ANKRD30B: variants seen among roughly 807,000 people sequenced by gnomAD.
The protein encoded by ANKRD30B is ankyrin repeat domain 30B, also known as ankyrin repeat domain-containing protein 30B.
A neutral mutation model predicts 202.2 loss-of-function variants in ANKRD30B; 144 were observed. That is an observed-to-expected ratio of 0.71 (90% confidence interval 0.62 to 0.82). The LOEUF (loss-of-function observed/expected upper bound fraction) is 0.82, where lower values mean the gene tolerates loss of function less well. Ranked by LOEUF, ANKRD30B falls within the 40% of genes least tolerant of loss-of-function variation. ANKRD30B has a pLI of 0.00. For missense variants in ANKRD30B, 1,487 were observed against 1,669.1 expected (o/e 0.89, Z 1.90); for synonymous variants, 508 against 561.3 (o/e 0.91, Z 1.34).
rs548886598 is a variant in ANKRD30B, at chr18:14,808,682, G to T, written c.2324G>T (p.Gly775Val). 6.1e-5 allele frequency: 94 copies of T among 1,533,208 alleles called. 2 individuals are homozygous for T. The highest frequency in any genetic ancestry group is 4.0e-4 in the Admixed American group (20 of 50,366). The allele number at this position is 1,533,208 out of a possible 1,614,324, so 95.0% of individuals were successfully genotyped here. A position where few individuals can be genotyped will look rare whatever the true frequency, so the allele number is the denominator to read the frequency against. Residue 775 changes from glycine (G) to valine (V), a missense_variant, in exon 26 of 44, where the codon GGA becomes GTA. Gly to Val is a moderately radical substitution (Grantham distance 109, BLOSUM62 -3). Around this residue, in one of 6 missense-constraint regions of ANKRD30B, gnomAD observed 218 missense variants for 320.1 expected, o/e 0.68. Transcript: ENST00000690538. ...TCCAAACCCATTTAGCCTACCTGTG[G>T]AAGGAAAGTTTCTCTTCCAAATAAA... The part of the protein sequence containing the change: ...DKDGLLKPTC[G>V]RKVSLPNKAL...
chr18:14,894,357 A>G, the ANKRD30B span, among the ~76,000 whole-genome samples: 3 of 152,134 alleles, frequency 2.0e-5, no homozygotes, highest in Non-Finnish European at 4.4e-5. Flanking sequence ...TAGCTTTGTG[A>G]TTTTAAAGTG....
chr18:14,895,596 G>A, the ANKRD30B span, among the ~76,000 whole-genome samples: 38 of 152,226 alleles, frequency 2.5e-4, 1 homozygote, highest in South Asian at 5.6e-3. Flanking sequence ...AGCTTTATTC[G>A]TATCATCAAA....
the ANKRD30B span, among the ~76,000 whole-genome samples, chr18:14,891,279 C>A: frequency 4.0e-5 from 6 of 150,256 alleles, no homozygotes; most frequent in South Asian, 1.3e-3. Context: ...ATTTTTGCTA[C>A]CTGGATAATA....
the ANKRD30B span, among the ~76,000 whole-genome samples, chr18:14,909,581 T>G: frequency 6.6e-6 from 1 of 152,094 alleles, no homozygotes; most frequent in Non-Finnish European, 1.5e-5. Context: ...TATTTTTTTG[T>G]ATTTTTAGTA....
intron 32 of ANKRD30B, among the ~76,000 whole-genome samples, chr18:14,824,502 C>A (rs1970584881): frequency 6.6e-6 from 1 of 152,032 alleles, no homozygotes; most frequent in South Asian, 2.1e-4. Context: ...ATTTGTAAAC[C>A]AGTCACTAGA....
chr18:14,858,715 C>G (rs1320434085), downstream of ANKRD30B, among the ~76,000 whole-genome samples: 1 of 144,484 alleles, frequency 6.9e-6, no homozygotes, highest in African/African-American at 2.5e-5. Context: ...CACTCCTCAC[C>G]TCCCAGACGG....
chr18:14,807,594 T>C (rs1303846405), intron 24 of ANKRD30B, among the ~76,000 whole-genome samples: 6 of 148,714 alleles, frequency 4.0e-5, no homozygotes, highest in African/African-American at 1.0e-4. Flanking sequence ...TGCAGGGGCA[T>C]GATCTTGACT....
intron 42 of ANKRD30B, among the ~76,000 whole-genome samples, chr18:14,853,453 G>T (rs1342392505): frequency 2.0e-5 from 3 of 151,760 alleles, no homozygotes; most frequent in African/African-American, 7.3e-5. Context: ...GAATATGTGA[G>T]GAACTTTGAT....
the ANKRD30B span, among the ~76,000 whole-genome samples, chr18:14,865,250 C>T: frequency 1.1e-4 from 16 of 151,984 alleles, no homozygotes; most frequent in African/African-American, 3.4e-4. Context: ...CACTGGCCAC[C>T]CTCTTTTCCC....
intron 32 of ANKRD30B, among the ~76,000 whole-genome samples, chr18:14,827,426 G>A (rs1293944050): frequency 1.3e-5 from 2 of 152,134 alleles, no homozygotes; most frequent in Non-Finnish European, 2.9e-5. Context: ...TGGTGTGTGA[G>A]GGAAGTCTTG....
At chr18:14,838,708 G>A (rs1416410637) in intron 36 of ANKRD30B, among the ~76,000 whole-genome samples, 1 of 152,164 alleles carries the variant, frequency 6.6e-6, no homozygotes, top group African/African-American at 2.4e-5. Context: ...CAAAAGATAA[G>A]TCTGTATTTG....
the ANKRD30B span, among the ~76,000 whole-genome samples, chr18:14,891,892 A>C: frequency 6.6e-6 from 1 of 152,368 alleles, no homozygotes; most frequent in Non-Finnish European, 1.5e-5. Flanking sequence ...TACTAATACA[A>C]TGAAAAATAC....
the ANKRD30B span, among the ~76,000 whole-genome samples, chr18:14,862,101 T>C: frequency 1.3e-5 from 2 of 151,962 alleles, no homozygotes. Context: ...AATAGAAACA[T>C]AACATACCAA....
At chr18:14,839,685 T>G (rs1328406357) in intron 36 of ANKRD30B, among the ~76,000 whole-genome samples, 1 of 152,206 alleles carries the variant, frequency 6.6e-6, no homozygotes, top group Non-Finnish European at 1.5e-5. Flanking sequence ...AAAAATTACA[T>G]AAATATAAAT....
At chr18:14,906,910 TG>T in the ANKRD30B span, among the ~76,000 whole-genome samples, 1 of 36,074 alleles carries the variant, frequency 2.8e-5, no homozygotes, top group Non-Finnish European at 5.2e-5. Flanking sequence ...GTGAGGAGGG[TG>T]GGGGGTTGGG....
chr18:14,831,195 A>AAAAAAAAAAAC (rs1970917280), intron 33 of ANKRD30B, among the ~76,000 whole-genome samples, 188 bp from the exon 34 acceptor site: 1 of 150,928 alleles, frequency 6.6e-6, no homozygotes, highest in Non-Finnish European at 1.5e-5. Context: ...AAAAAAAAAA[A>AAAAAAAAAAAC]AAAAACGAAA....
chr18:14,776,697 C>G (rs755076652), intron 9 of ANKRD30B, among the ~76,000 whole-genome samples: 9 of 152,150 alleles, frequency 5.9e-5, no homozygotes, highest in Non-Finnish European at 1.0e-4. Flanking sequence ...TTATTTTTCT[C>G]TTTTTATGAA....
chr18:14,906,384 C>A, the ANKRD30B span, among the ~76,000 whole-genome samples: 1 of 152,088 alleles, frequency 6.6e-6, no homozygotes, highest in Middle Eastern at 3.4e-3. Context: ...GACTCTCTAC[C>A]AATCTCATTA....
intron 15 of ANKRD30B, among the ~76,000 whole-genome samples, chr18:14,788,531 C>A (rs1968239814): frequency 6.6e-6 from 1 of 152,120 alleles, no homozygotes; most frequent in Non-Finnish European, 1.5e-5. Flanking sequence ...TCTCCTAATG[C>A]TATCCCTCCC....
Sources: gnomAD v4.1 joint callset for allele counts (sites outside exome capture counted in the v4.1 genomes callset) on GRCh38, gnomAD v4.1.1 for gene constraint, gnomAD v4.1.1 regional missense constraint, MANE v1.5 for transcripts, NCBI Gene and HGNC (gene_info 2026-07-23, HGNC 2026-07-21) for gene names.